Variants in IFT81 observed in about 807,000 individuals in gnomAD.
IFT81 encodes intraflagellar transport 81, also known as intraflagellar transport protein 81 homolog.
In IFT81, 72 loss-of-function variants were observed where a neutral mutation model predicts 102.6. The observed-to-expected ratio is 0.70, with a 90% CI of 0.58 to 0.85. IFT81 has a LOEUF of 0.85. IFT81 is among the 40% of genes least tolerant of loss of function. The probability of loss-of-function intolerance (pLI) is 0.00; values close to 1 mark genes in which losing one functional copy is unlikely to be tolerated. For synonymous variants in IFT81, 237 were observed against 242.7 expected, an observed-to-expected ratio of 0.98 and a Z score of 0.22; for missense variants, 723 against 787.3, an observed-to-expected ratio of 0.92 and a Z score of 0.98.
At chr12:110,172,427 C>G (rs972551613) in intron 11 of IFT81, among the ~76,000 whole-genome samples, 235 of 152,318 alleles carry the variant, frequency 1.5e-3, no homozygotes, top group Non-Finnish European at 2.8e-3. Context: ...CGGTCTCCCT[C>G]TGATGCCGAG....
At chr12:110,126,071 G>A (rs1330271626) in intron 1 of IFT81, among the ~76,000 whole-genome samples, 2 of 152,156 alleles carry the variant, frequency 1.3e-5, no homozygotes, top group Non-Finnish European at 2.9e-5. Flanking sequence ...GAGGTCAGGA[G>A]ATCCAGACCA....
chr12:110,156,465 T>G (rs11065209), intron 10 of IFT81, among the ~76,000 whole-genome samples: 29,277 of 151,942 alleles, frequency 0.19, 3,164 homozygotes, highest in Admixed American at 0.29. Context: ...GAATGTAGCT[T>G]TTGTTTATCT....
At position 110,155,500 on chromosome 12, in the gene IFT81, C is replaced by T. The variant is rs183852785; in HGVS notation, c.1042-7419C>T. Among the ~76,000 whole-genome samples, 1,116 of 150,284 alleles carry T rather than the reference C, an allele frequency of 7.4e-3. 2 individuals are homozygous for T. Among genetic ancestry groups the T allele is most frequent in the Non-Finnish European group, 0.01 (700 of 67,980 alleles). ...TAATTTTTTGTATTTTCAGTAGAGA[C>T]GGGGTTTCACCATGTTGACCAGGCT... is the stretch of plus-strand genomic sequence containing the variant. On this transcript the variant is annotated intron_variant, in intron 10 of 18. Coordinates refer to ENST00000242591, the MANE Select transcript of IFT81 (RefSeq NM_014055.4).
intron 14 of IFT81, 152 bp downstream of exon 14, chr12:110,192,858 G>A (rs1897856649): frequency 1.9e-6 from 1 of 531,300 alleles, no homozygotes; most frequent in Non-Finnish European, 3.4e-6. Flanking sequence ...TTCTTCAAAA[G>A]AGAATTAAAA....
intron 17 of IFT81, among the ~76,000 whole-genome samples, chr12:110,206,385 C>T (rs959015973): frequency 3.3e-5 from 5 of 152,100 alleles, no homozygotes; most frequent in Non-Finnish European, 2.9e-5. Context: ...ACAACATAAG[C>T]CTTCTTTGCT....
chr12:110,216,185 T>G (rs181880136), intron 18 of IFT81, among the ~76,000 whole-genome samples: 23 of 152,124 alleles, frequency 1.5e-4, no homozygotes, highest in African/African-American at 5.5e-4. Flanking sequence ...TGTTTTGTTT[T>G]GTTTTGTTTT....
chr12:110,190,690 G>A (rs1276892910), intron 12 of IFT81, among the ~76,000 whole-genome samples: 3 of 152,040 alleles, frequency 2.0e-5, no homozygotes, highest in Admixed American at 2.0e-4. Flanking sequence ...TTATTATAAA[G>A]TCTACGATTA....
chr12:110,178,373 G>A (rs990563860), intron 11 of IFT81, among the ~76,000 whole-genome samples: 17 of 149,420 alleles, frequency 1.1e-4, no homozygotes, highest in African/African-American at 3.2e-4. Context: ...GAGATTGTGC[G>A]GCTGCACTCC....
At position 110,191,004 on chromosome 12, in the gene IFT81, G is replaced by A; in HGVS notation, c.1423G>A (p.Val475Ile). The A allele has an allele frequency of 6.2e-7, 1 of 1,610,286 alleles. No homozygotes were observed. The highest frequency in any genetic ancestry group is 8.5e-7 in the Non-Finnish European group (1 of 1,178,468). ...LERVSALKSE[V>I]DEMKGRTLDD... ...AAGAGTATCTGCACTGAAGAGTGAAGTTGATGAAATGAAAGGACGAACATT... is the reference window on the plus strand; with the variant it reads ...AAGAGTATCTGCACTGAAGAGTGAAATTGATGAAATGAAAGGACGAACATT... The change falls in exon 13 of 19, where the codon GTT becomes ATT. Residue 475 changes from valine (V) to isoleucine (I), a missense_variant. Physicochemically the swap from Val to Ile is conservative, Grantham distance 29. Coordinates refer to ENST00000242591, the MANE Select transcript of IFT81 (RefSeq NM_014055.4).
At chr12:110,161,289 C>T (rs138330374) in intron 10 of IFT81, among the ~76,000 whole-genome samples, 28 of 151,740 alleles carry the variant, frequency 1.8e-4, no homozygotes, top group Non-Finnish European at 2.2e-4. Flanking sequence ...CACAGGTACA[C>T]GCCACCATGC....
chr12:110,205,363 T>C, intron 15 of IFT81, 80 bp from the exon 16 acceptor site: 2 of 1,441,560 alleles, frequency 1.4e-6, no homozygotes, highest in Non-Finnish European at 9.2e-7. Context: ...GGTAGTCCTT[T>C]GTTGTACATC....
rs185487326 is a variant in IFT81, at chr12:110,158,842, C to T, written c.1042-4077C>T. ...TGACCTCGTGATCCACCCGCCTCAGCCTCCCAAAGTGCTGGGATTACAGGC... is the reference window on the plus strand; with the variant it reads ...TGACCTCGTGATCCACCCGCCTCAGTCTCCCAAAGTGCTGGGATTACAGGC... On this transcript the variant is annotated intron_variant, in intron 10 of 18. Coordinates refer to ENST00000242591, the MANE Select transcript of IFT81 (RefSeq NM_014055.4). Among the ~76,000 whole-genome samples the T allele has an allele frequency of 6.9e-3, 1,046 of 152,292 alleles. 1 individual carries two copies. The highest frequency in any genetic ancestry group is 9.5e-3 in the Non-Finnish European group (643 of 68,024).
chr12:110,155,785 T>C (rs1895805878), intron 10 of IFT81, among the ~76,000 whole-genome samples: 1 of 152,218 alleles, frequency 6.6e-6, no homozygotes, highest in African/African-American at 2.4e-5. Flanking sequence ...TTGTGTTTAG[T>C]TGATTTTTTT....
At chr12:110,136,890 G>T (rs1334412785) in intron 8 of IFT81, 30 bp downstream of exon 8, 2 of 1,313,786 alleles carry the variant, frequency 1.5e-6, no homozygotes, top group Admixed American at 2.0e-5. Context: ...TGGTATAGAT[G>T]ATTAGAAAAT....
In IFT81 at chr12:110,163,012, A is replaced by G. The variant is rs1896223658; in HGVS notation, c.1135A>G (p.Lys379Glu). ...LASLEREASV[K>E]RNQTREFDGT... ...CAGCCTAGAGAGAGAAGCATCAGTA[A>G]AGAGAAATCAGACCCGTGAATTTGA... The change falls in exon 11 of 19, where the codon AAG (lysine) becomes GAG (glutamate). Residue 379 changes from lysine (K) to glutamate (E), a missense_variant. Lys to Glu is a moderately conservative substitution (Grantham distance 56, BLOSUM62 1). Coordinates refer to ENST00000242591, the MANE Select transcript of IFT81 (RefSeq NM_014055.4). 6.2e-7 allele frequency: 1 copy of G among 1,614,008 alleles called. No homozygotes were observed. The highest frequency in any genetic ancestry group is 8.5e-7 in the Non-Finnish European group (1 of 1,179,928).
intron 18 of IFT81, among the ~76,000 whole-genome samples, chr12:110,211,272 C>T (rs1300931011): frequency 6.6e-6 from 1 of 151,166 alleles, no homozygotes; most frequent in African/African-American, 2.4e-5. Context: ...TCACTGCATC[C>T]TCTGCCTCCC....
intron 14 of IFT81, among the ~76,000 whole-genome samples, chr12:110,202,087 G>A (rs1204482218): frequency 3.9e-5 from 6 of 152,140 alleles, no homozygotes; most frequent in Non-Finnish European, 8.8e-5. Context: ...TAATTGTATT[G>A]CTATACTTCT....
At chr12:110,163,438 A>C (rs1322011314) in intron 11 of IFT81, among the ~76,000 whole-genome samples, 7 of 151,906 alleles carry the variant, frequency 4.6e-5, no homozygotes, top group Non-Finnish European at 1.0e-4. Flanking sequence ...ACAGAGTTTT[A>C]CCATGTTGGC....
intron 18 of IFT81, among the ~76,000 whole-genome samples, chr12:110,214,940 T>C (rs1323502287): frequency 6.6e-6 from 1 of 152,192 alleles, no homozygotes; most frequent in Non-Finnish European, 1.5e-5. Flanking sequence ...TGTTGTAAGA[T>C]ACATTATTTG....
Sources: allele counts gnomAD v4.1 joint callset (sites outside exome capture counted in the v4.1 genomes callset), GRCh38; gene constraint gnomAD v4.1.1; transcripts MANE v1.5; gene names NCBI Gene and HGNC (gene_info 2026-07-23, HGNC 2026-07-21).